TARS3: variants seen among roughly 807,000 people sequenced by gnomAD.
TARS3 encodes the protein threonine--tRNA ligase 2, cytoplasmic.
TARS3 carries 94 observed loss-of-function variants against 103.5 expected under a neutral mutation model. The observed-to-expected ratio is 0.91, with a 90% CI of 0.77 to 1.08. TARS3 has a LOEUF of 1.08. TARS3 is among the 50% of genes least tolerant of loss of function. The pLI is 0.00. For synonymous variants in TARS3, 416 were observed against 355.4 expected (o/e 1.17, Z -1.92); for missense variants, 952 against 995.2 (o/e 0.96, Z 0.58).
intron 15 of TARS3, among the ~76,000 whole-genome samples, chr15:101,668,816 G>A (rs796247006): frequency 3.3e-5 from 5 of 152,210 alleles, no homozygotes; most frequent in African/African-American, 9.6e-5. Context: ...AGGTGTTTGT[G>A]GTGAGGCTGG....
chr15:101,722,426 C>T (rs1900521625), intron 2 of TARS3, among the ~76,000 whole-genome samples: 1 of 151,344 alleles, frequency 6.6e-6, no homozygotes, highest in South Asian at 2.1e-4. Flanking sequence ...TTCTTCACTC[C>T]TACCAAATGT....
At chr15:101,690,596 G>A (rs1203537602) in intron 10 of TARS3, among the ~76,000 whole-genome samples, 1 of 152,154 alleles carries the variant, frequency 6.6e-6, no homozygotes, top group Non-Finnish European at 1.5e-5. Flanking sequence ...GTTTTCAATG[G>A]TGAGGTATAC....
chr15:101,680,589 A>T (rs1898220251), intron 12 of TARS3, among the ~76,000 whole-genome samples: 1 of 152,190 alleles, frequency 6.6e-6, no homozygotes, highest in South Asian at 2.1e-4. Flanking sequence ...AGGGAAGGAA[A>T]GGGAAAGCAC....
At chr15:101,683,965 G>C in intron 12 of TARS3, 110 bp downstream of exon 12, 2 of 1,094,848 alleles carry the variant, frequency 1.8e-6, no homozygotes, top group East Asian at 2.7e-5. Flanking sequence ...ATGAATCTCA[G>C]AGACTAGACC....
chr15:101,722,510 CAAA>C (rs775394707), intron 2 of TARS3, among the ~76,000 whole-genome samples: 1 of 108,506 alleles, frequency 9.2e-6, no homozygotes, highest in Non-Finnish European at 1.9e-5. Context: ...TTCTCGAATA[CAAA>C]AAAAAAAAAA....
rs750888922 is a variant in TARS3 at position 101,661,772 on chromosome 15, G to A, written c.2012C>T (p.Ala671Val). The A allele has an allele frequency of 6.2e-6, 10 of 1,607,124 alleles. No individual in the cohort carries two copies. In the Admixed American group the frequency reaches 1.5e-4, roughly 24 times the overall value. Residue 671 changes from alanine to valine, a missense_variant, in exon 16 of 19, where the codon GCC (alanine) becomes GTC (valine). Physicochemically the swap from Ala to Val is moderately conservative, Grantham distance 64. Around this residue, in one of 2 missense-constraint regions of TARS3, gnomAD observed 540 missense variants for 631.0 expected, o/e 0.86. Coordinates refer to ENST00000335968, the MANE Select transcript of TARS3 (RefSeq NM_152334.3). ...DKKRPVIIHRAILGSVERMIA... is the reference protein window; with the variant it reads ...DKKRPVIIHRVILGSVERMIA... ...CATTCTTTCCACTGATCCCAAAATG[G>A]CTCGATGAATGATCACAGGTCTCTT...
At position 101,724,279 on chromosome 15, in the gene TARS3, G is replaced by A. The variant is rs776249017; in HGVS notation, c.109C>T (p.Leu37=). ...GCCTGGCAGCTGTAGGGCGCGTTCA[G>A]CTGCTCGTCCCTCAGGCGCTCGACC... ...SEVERLRDEQ[L]NAPYSCQAEG... Residue 37 remains leucine, a synonymous_variant, in exon 1 of 19, where the codon CTG becomes TTG. Transcript: ENST00000335968. 5 of 1,573,474 alleles carry A rather than the reference G, an allele frequency of 3.2e-6. No homozygotes were observed. The highest frequency in any genetic ancestry group is 1.2e-5 in the South Asian group (1 of 86,204).
Position 101,675,601 on chromosome 15 carries a change from T to G in TARS3, c.1787A>C (p.Lys596Thr), listed in dbSNP as rs758532653. Residue 596 changes from lysine to threonine, a missense_variant and splice_region_variant, in exon 13 of 19, where the codon AAG (lysine) becomes ACG (threonine). This residue lies in a region of TARS3 where 540 missense variants were observed against 631.0 expected (regional missense o/e 0.86). Coordinates refer to ENST00000335968, the MANE Select transcript of TARS3 (RefSeq NM_152334.3). Reference protein sequence around the residue: ...GEIEMWNEAEKQLQNSLMDFG... With the variant: ...GEIEMWNEAETQLQNSLMDFG... ...GGAAGCACAAGGTGTGTCTCTTACC[T>G]TCTCAGCCTCATTCCACATCTCAAT... is the stretch of plus-strand genomic sequence containing the variant. The G allele has an allele frequency of 3.5e-5, 56 of 1,612,558 alleles. 1 individual carries two copies. In the South Asian group the frequency reaches 6.1e-4, roughly 17 times the overall value.
chr15:101,714,691 A>G, intron 4 of TARS3, 149 bp downstream of exon 4: 1 of 533,754 alleles, frequency 1.9e-6, no homozygotes, highest in Non-Finnish European at 3.0e-6. Flanking sequence ...TTCATGCCAC[A>G]AATATTTATT....
intron 2 of TARS3, among the ~76,000 whole-genome samples, chr15:101,721,597 C>T (rs548276480): frequency 5.3e-5 from 8 of 152,144 alleles, no homozygotes; most frequent in Admixed American, 4.6e-4. Context: ...TAGGTTCAAG[C>T]GATTTTCCTG....
intron 6 of TARS3, among the ~76,000 whole-genome samples, chr15:101,706,321 T>C (rs1178200891): frequency 6.6e-6 from 1 of 152,090 alleles, no homozygotes; most frequent in African/African-American, 2.4e-5. Flanking sequence ...AGATGTGCAG[T>C]GAGTATAAAA....
intron 6 of TARS3, among the ~76,000 whole-genome samples, chr15:101,706,724 G>A (rs773693786): frequency 1.1e-4 from 17 of 152,004 alleles, no homozygotes; most frequent in East Asian, 3.9e-4. Context: ...CACTACTATC[G>A]GGGTATACAA....
chr15:101,679,410 C>T (rs1898163194), intron 12 of TARS3, among the ~76,000 whole-genome samples: 1 of 152,198 alleles, frequency 6.6e-6, no homozygotes, highest in South Asian at 2.1e-4. Flanking sequence ...TGAATCTATT[C>T]ACTGAATATT....
At position 101,657,008 on chromosome 15, in the gene TARS3, A is replaced by T; in HGVS notation, c.2174T>A (p.Phe725Tyr). 14 of 1,613,742 alleles carry T rather than the reference A, an allele frequency of 8.7e-6. No homozygotes were observed. The highest frequency in any genetic ancestry group is 1.2e-5 in the Non-Finnish European group (14 of 1,179,682). Reference sequence around the variant, plus strand: ...GTGATCCAAGTCAACGTCAGCCATAAATCCTTCTTCAAAAAATTCACTGGA... The same window carrying T: ...GTGATCCAAGTCAACGTCAGCCATATATCCTTCTTCAAAAAATTCACTGGA... ...QVSSEFFEEG[F>Y]MADVDLDHSC... is the part of the protein sequence containing the mutation. Residue 725 changes from phenylalanine to tyrosine, a missense_variant, in exon 18 of 19, where the codon TTT (phenylalanine) becomes TAT (tyrosine). By Grantham distance (22) the Phe-to-Tyr change is conservative. This residue lies in a region of TARS3 where 540 missense variants were observed against 631.0 expected (regional missense o/e 0.86). Transcript: ENST00000335968.
intron 16 of TARS3, 149 bp downstream of exon 16, chr15:101,661,563 G>A (rs1344431615): frequency 5.9e-6 from 3 of 506,838 alleles, no homozygotes; most frequent in South Asian, 3.4e-5. Context: ...TAATTACAAG[G>A]CAGGAAAGGC....
At chr15:101,720,879 G>A (rs567985911) in intron 3 of TARS3, among the ~76,000 whole-genome samples, 19 of 152,206 alleles carry the variant, frequency 1.2e-4, no homozygotes, top group African/African-American at 3.4e-4. Flanking sequence ...TCTCCTTGCC[G>A]CTGCCATGTG....
chr15:101,665,029 TAAGTA>T (rs1469653525), intron 15 of TARS3, among the ~76,000 whole-genome samples: 1 of 152,178 alleles, frequency 6.6e-6, no homozygotes, highest in Non-Finnish European at 1.5e-5. Context: ...AATTTGAAGA[TAAGTA>T]AATAGAATGT....
intron 10 of TARS3, 71 bp from the exon 11 acceptor site, chr15:101,686,133 G>A (rs1898466120): frequency 2.2e-6 from 3 of 1,349,966 alleles, no homozygotes; most frequent in African/African-American, 2.9e-5. Flanking sequence ...GTAACACTAT[G>A]AGCAAATATT....
intron 10 of TARS3, among the ~76,000 whole-genome samples, chr15:101,689,388 T>G (rs923837547): frequency 3.3e-5 from 5 of 152,178 alleles, no homozygotes; most frequent in Non-Finnish European, 7.3e-5. Context: ...AAATAAGATA[T>G]TTTGAAGTCC....
Sources: gnomAD v4.1 joint callset for allele counts (sites outside exome capture counted in the v4.1 genomes callset) on GRCh38, gnomAD v4.1.1 for gene constraint, gnomAD v4.1.1 regional missense constraint, MANE v1.5 for transcripts, NCBI Gene and HGNC (gene_info 2026-07-23, HGNC 2026-07-21) for gene names.